Variants in CILK1 observed in about 807,000 individuals in gnomAD.
CILK1 encodes serine/threonine-protein kinase ICK.
CILK1 carries 47 observed loss-of-function variants against 79.2 expected under a neutral mutation model. The observed-to-expected ratio is 0.59, with a 90% CI of 0.47 to 0.76. CILK1 has a LOEUF of 0.76. CILK1 is among the 30% of genes least tolerant of loss of function. CILK1 has a pLI of 0.00. For synonymous variants in CILK1, 266 were observed against 275.9 expected, an observed-to-expected ratio of 0.96 and a Z score of 0.36; for missense variants, 660 against 769.5, an observed-to-expected ratio of 0.86 and a Z score of 1.68.
intron 1 of CILK1, among the ~76,000 whole-genome samples, chr6:53,054,171 C>T (rs935386093): frequency 2.6e-5 from 4 of 152,118 alleles, no homozygotes; most frequent in African/African-American, 7.2e-5. Flanking sequence ...CCTTCTCTTT[C>T]GAGCTCACAT....
At chr6:53,050,911 T>G (rs1767440271) in intron 1 of CILK1, among the ~76,000 whole-genome samples, 1 of 152,160 alleles carries the variant, frequency 6.6e-6, no homozygotes, top group South Asian at 2.1e-4. Flanking sequence ...CTTAAGACAC[T>G]TAAGTGTCAA....
At chr6:53,024,658 A>G (rs1184309753) in intron 5 of CILK1, among the ~76,000 whole-genome samples, 1 of 152,170 alleles carries the variant, frequency 6.6e-6, no homozygotes, top group Admixed American at 6.5e-5. Flanking sequence ...AGAGTGTTCA[A>G]AACATTCCAG....
At chr6:53,011,725 G>T (rs566960824) in intron 11 of CILK1, 44 bp downstream of exon 11, 9 of 1,576,414 alleles carry the variant, frequency 5.7e-6, no homozygotes, top group South Asian at 2.2e-5. Flanking sequence ...CAAGGACAGG[G>T]TTTCTTATTA....
At chr6:53,019,839 T>A (rs1309597387) in intron 5 of CILK1, among the ~76,000 whole-genome samples, 1 of 151,502 alleles carries the variant, frequency 6.6e-6, no homozygotes, top group South Asian at 2.1e-4. Flanking sequence ...TTTGTTTTTT[T>A]TTTTTTTGTT....
At chr6:53,047,450 T>C (rs1336230285) in intron 1 of CILK1, among the ~76,000 whole-genome samples, 2 of 146,612 alleles carry the variant, frequency 1.4e-5, no homozygotes, top group African/African-American at 5.0e-5. Flanking sequence ...GAGTACTTGG[T>C]GTACACTACC....
At position 53,042,444 on chromosome 6, in the gene CILK1, A is replaced by G. The variant is rs151256991; in HGVS notation, c.-172-1036T>C. Among the ~76,000 whole-genome samples, 1,337 of 152,342 alleles carry G rather than the reference A, an allele frequency of 8.8e-3. 9 individuals carry two copies. The highest frequency in any genetic ancestry group is 0.013 in the Non-Finnish European group (889 of 68,028). Reference sequence around the variant, plus strand: ...AAACATACAAAAGCTAAGAAATGCTAAAGTTCTCCTGATGCAGAACTTAAG... The same window carrying G: ...AAACATACAAAAGCTAAGAAATGCTGAAGTTCTCCTGATGCAGAACTTAAG... On this transcript the variant is annotated intron_variant, in intron 1 of 13. Coordinates refer to ENST00000676107, the MANE Select transcript of CILK1 (RefSeq NM_014920.5).
chr6:53,055,378 T>C (rs867746741), intron 1 of CILK1, among the ~76,000 whole-genome samples: 8 of 152,254 alleles, frequency 5.3e-5, no homozygotes, highest in South Asian at 2.1e-4. Flanking sequence ...CTAATTCTTC[T>C]GCCTCTGTAC....
intron 3 of CILK1, among the ~76,000 whole-genome samples, chr6:53,036,250 T>C (rs1766323992): frequency 6.6e-6 from 1 of 152,176 alleles, no homozygotes; most frequent in Non-Finnish European, 1.5e-5. Context: ...AGAGAAAATG[T>C]CCTTGGATTA....
At chr6:53,006,952 T>G (rs1233769881) in intron 12 of CILK1, among the ~76,000 whole-genome samples, 1 of 152,200 alleles carries the variant, frequency 6.6e-6, no homozygotes, top group Non-Finnish European at 1.5e-5. Flanking sequence ...AATTAACCAT[T>G]TTTTACAATG....
At chr6:53,032,717 GA>G (rs1400190342) in intron 3 of CILK1, 63 bp from the exon 4 acceptor site, 2 of 1,368,566 alleles carry the variant, frequency 1.5e-6, no homozygotes, top group African/African-American at 2.9e-5. Flanking sequence ...TGTTGAAAAA[GA>G]AAAGTAATCC....
chr6:53,007,700 CGG>C (rs1764309100), intron 12 of CILK1, among the ~76,000 whole-genome samples: 3 of 151,178 alleles, frequency 2.0e-5, no homozygotes, highest in Non-Finnish European at 4.4e-5. Context: ...GAGACCCAGG[CGG>C]GTGGATCACC....
intron 5 of CILK1, among the ~76,000 whole-genome samples, chr6:53,021,005 T>C (rs929364068): frequency 1.3e-5 from 2 of 152,186 alleles, no homozygotes; most frequent in African/African-American, 4.8e-5. Flanking sequence ...AGTTATGAGA[T>C]TGTGTCGTAT....
chr6:53,033,227 C>G (rs546935981), intron 3 of CILK1, among the ~76,000 whole-genome samples: 16 of 152,024 alleles, frequency 1.1e-4, no homozygotes, highest in Non-Finnish European at 2.4e-4. Context: ...ACGGAAGGAC[C>G]CTGAAGTAAG....
intron 1 of CILK1, among the ~76,000 whole-genome samples, chr6:53,054,979 GAATT>G (rs1330723161): frequency 2.6e-5 from 4 of 152,140 alleles, no homozygotes; most frequent in Admixed American, 6.5e-5. Context: ...CTTAATCAAT[GAATT>G]AATGCCATCA....
chr6:53,022,873 A>G (rs765718825), intron 5 of CILK1, among the ~76,000 whole-genome samples: 1 of 152,100 alleles, frequency 6.6e-6, no homozygotes, highest in Non-Finnish European at 1.5e-5. Context: ...TCTTGCCCTC[A>G]TGGACATAAT....
At chr6:53,055,447 A>G (rs564055701) in intron 1 of CILK1, among the ~76,000 whole-genome samples, 1 of 152,176 alleles carries the variant, frequency 6.6e-6, no homozygotes, top group Non-Finnish European at 1.5e-5. Flanking sequence ...TTTTTTCTGC[A>G]TAAGGAATAG....
intron 1 of CILK1, among the ~76,000 whole-genome samples, chr6:53,046,702 A>G (rs1374153798): frequency 6.6e-6 from 1 of 152,250 alleles, no homozygotes; most frequent in Non-Finnish European, 1.5e-5. Context: ...AATTTTAATT[A>G]AACTTTAATA....
chr6:53,036,755 T>C (rs1418783726), intron 3 of CILK1, among the ~76,000 whole-genome samples: 3 of 152,210 alleles, frequency 2.0e-5, no homozygotes, highest in Non-Finnish European at 4.4e-5. Flanking sequence ...AATGAACGGT[T>C]GCAATCAGTT....
At position 53,018,348 on chromosome 6, in the gene CILK1, C is replaced by A. The variant is rs145373700; in HGVS notation, c.645G>T (p.Val215=). The change falls in exon 7 of 14, where the codon GTG becomes GTT. Residue 215 remains valine, a synonymous_variant. Transcript: ENST00000676107. ...TCATTACCTTTTTTGGTGTCCCCAG[C>A]ACTTGGCAAATTTTGAATATTGTGT... ...EIDTIFKICQ[V]LGTPKKTDWP... 23 of 1,614,040 alleles carry A rather than the reference C, an allele frequency of 1.4e-5. No homozygotes were observed. The African/African-American group carries it at 3.1e-4, about 22-fold the overall frequency.
Sources: gnomAD v4.1 joint callset for allele counts (sites outside exome capture counted in the v4.1 genomes callset) on GRCh38, gnomAD v4.1.1 for gene constraint, MANE v1.5 for transcripts, NCBI Gene and HGNC (gene_info 2026-07-23, HGNC 2026-07-21) for gene names.